Variants in TAF4B observed in about 807,000 individuals in gnomAD.
TAF4B encodes the protein TATA-box binding protein associated factor 4b.
Under a neutral mutation model 86.4 loss-of-function variants are expected in TAF4B, and 38 were observed. The ratio of observed to expected loss-of-function variants is 0.44; its 90% CI spans 0.34 to 0.58. TAF4B has a LOEUF of 0.58. TAF4B is among the 20% of genes least tolerant of loss of function. The probability of loss-of-function intolerance (pLI) is 0.02; values close to 1 mark genes in which losing one functional copy is unlikely to be tolerated. For missense variants in TAF4B, 988 were observed against 1,027.6 expected (o/e 0.96, Z 0.53); for synonymous variants, 388 against 391.2 (o/e 0.99, Z 0.10).
chr18:26,295,387 T>C (rs1440591669), intron 9 of TAF4B: 2 of 191,170 alleles, frequency 1.0e-5, no homozygotes, highest in African/African-American at 2.4e-5. Flanking sequence ...AGGCAATTTT[T>C]CCACAGACCA....
chr18:26,376,214 G>A (rs1242537857), intron 14 of TAF4B, among the ~76,000 whole-genome samples: 1 of 139,744 alleles, frequency 7.2e-6, no homozygotes, highest in East Asian at 2.0e-4. Flanking sequence ...GGATCAGCTT[G>A]TTAATTTCAA....
intron 10 of TAF4B, among the ~76,000 whole-genome samples, chr18:26,316,638 G>T (rs1012736731): frequency 1.3e-5 from 2 of 152,074 alleles, no homozygotes; most frequent in Non-Finnish European, 2.9e-5. Context: ...TGATCCACCC[G>T]CCTCCCAAAG....
In TAF4B at chr18:26,321,119, C is replaced by T. The variant is rs144766716; in HGVS notation, c.2052C>T (p.Ile684=). 2.5e-6 allele frequency: 4 copies of T among 1,613,862 alleles called. No homozygotes were observed. In the African/African-American group the frequency reaches 5.3e-5, roughly 22 times the overall value. ...TELNSDAVNL[I]SQATQERLRG... ...TTAACTCTGATGCTGTGAACTTGAT[C>T]TCCCAAGCAACACAGGAACGACTAC... The change falls in exon 11 of 15, where the codon ATC becomes ATT. Residue 684 remains isoleucine, a synonymous_variant. Transcript: ENST00000269142.
intron 14 of TAF4B, among the ~76,000 whole-genome samples, chr18:26,365,646 C>T (rs1307941637): frequency 1.3e-5 from 2 of 152,174 alleles, no homozygotes; most frequent in African/African-American, 4.8e-5. Flanking sequence ...GATTTGTGGA[C>T]TTAATTATTT....
intron 9 of TAF4B, among the ~76,000 whole-genome samples, chr18:26,308,898 A>AT (rs2056825209): frequency 6.6e-6 from 1 of 151,348 alleles, no homozygotes; most frequent in Admixed American, 6.6e-5. Flanking sequence ...AAAAAAAAAA[A>AT]AGAAATTGAT....
intron 14 of TAF4B, among the ~76,000 whole-genome samples, chr18:26,383,791 TC>T (rs1654653880): frequency 6.6e-6 from 1 of 152,178 alleles, no homozygotes; most frequent in South Asian, 2.1e-4. Context: ...TGCAGTGTTG[TC>T]TGTATTCTGA....
At chr18:26,343,835 T>C (rs1048883633) in intron 13 of TAF4B, among the ~76,000 whole-genome samples, 2 of 152,126 alleles carry the variant, frequency 1.3e-5, no homozygotes, top group African/African-American at 2.4e-5. Flanking sequence ...CAATCCCCCA[T>C]GTATACCAAG....
At chr18:26,362,512 G>A (rs945225188) in intron 14 of TAF4B, among the ~76,000 whole-genome samples, 1 of 151,958 alleles carries the variant, frequency 6.6e-6, no homozygotes, top group Non-Finnish European at 1.5e-5. Context: ...CAGATTTTTA[G>A]GTGTTTTTAT....
Position 26,226,524 on chromosome 18 carries a change from T to G in TAF4B, c.-410T>G. 1 of 156,220 alleles carries G rather than the reference T, an allele frequency of 6.4e-6. No homozygotes were observed. 9.7% of individuals were successfully genotyped at this position (156,220 alleles called of 1,614,324 possible). On this transcript the variant is annotated 5_prime_UTR_variant, in exon 1 of 15. Coordinates refer to ENST00000269142, the MANE Select transcript of TAF4B (RefSeq NM_005640.3). ...CGTAGGGGGCTGTGGGCACTCGGGG[T>G]TCGTAGTTTTGAAATTTCTGGCGGG...
intron 6 of TAF4B, among the ~76,000 whole-genome samples, chr18:26,284,589 T>C (rs2056487696): frequency 1.3e-5 from 2 of 152,148 alleles, no homozygotes. Flanking sequence ...AGTCAGAAAG[T>C]ATGCTTGGCT....
At position 26,274,738 on chromosome 18, in the gene TAF4B, T is replaced by C; in HGVS notation, c.673T>C (p.Ser225Pro). The C allele has an allele frequency of 6.2e-7, 1 of 1,614,188 alleles. No individual in the cohort carries two copies. The highest frequency in any genetic ancestry group is 8.5e-7 in the Non-Finnish European group (1 of 1,180,022). Reference sequence around the variant, plus strand: ...GAATACTGTAACTACCCTGAAGCCTTCAAGTTTGGGAGCATCATCCACTCC... The same window carrying C: ...GAATACTGTAACTACCCTGAAGCCTCCAAGTTTGGGAGCATCATCCACTCC... ...PLNTVTTLKP[S>P]SLGASSTPSN... The change falls in exon 4 of 15, where the codon TCA becomes CCA. Residue 225 changes from serine (S) to proline (P), a missense_variant. Physicochemically the swap from Ser to Pro is moderately conservative, Grantham distance 74 (BLOSUM62 -1). This residue lies in a region of TAF4B where 747 missense variants were observed against 737.9 expected (regional missense o/e 1.01). Transcript: ENST00000269142.
chr18:26,302,264 C>T (rs2056742191), intron 9 of TAF4B, among the ~76,000 whole-genome samples: 2 of 151,298 alleles, frequency 1.3e-5, no homozygotes, highest in African/African-American at 4.9e-5. Flanking sequence ...TTGAATTTGG[C>T]AGTTTCTTTT....
intron 1 of TAF4B, among the ~76,000 whole-genome samples, chr18:26,244,398 G>T (rs1273845648): frequency 4.6e-5 from 7 of 152,256 alleles, no homozygotes; most frequent in Non-Finnish European, 1.0e-4. Flanking sequence ...TAATCTCCTT[G>T]TGTGCTATTT....
At chr18:26,231,189 G>A (rs1313865693) in intron 1 of TAF4B, among the ~76,000 whole-genome samples, 5 of 150,610 alleles carry the variant, frequency 3.3e-5, no homozygotes, top group South Asian at 2.1e-4. Context: ...ACAGGCATGC[G>A]CCACCACCCT....
chr18:26,273,394 G>GATATGTACACATATGTA lies in TAF4B; in HGVS notation c.598-1245_598-1229dup, dbSNP rs1394237933. Among the ~76,000 whole-genome samples, 35 of 152,100 alleles carry GATATGTACACATATGTA rather than the reference G, an allele frequency of 2.3e-4. No individual in the cohort carries two copies. The East Asian group carries it at 2.5e-3, about 11-fold the overall frequency. On this transcript the variant is annotated intron_variant, in intron 3 of 14. Coordinates refer to ENST00000269142, the MANE Select transcript of TAF4B (RefSeq NM_005640.3). Reference sequence around the variant, plus strand: ...TATACATGCAAACAAGACTACATGTGATATGTACACATATGTAATATGTAC... The same window carrying GATATGTACACATATGTA: ...TATACATGCAAACAAGACTACATGTGATATGTACACATATGTAATATGTACACATATGTAATATGTAC...
chr18:26,389,745 A>C, intron 14 of TAF4B, 100 bp from the exon 15 acceptor site: 1 of 1,255,202 alleles, frequency 8.0e-7, no homozygotes. Context: ...TACCTAACCC[A>C]GTGACCAGAG....
intron 14 of TAF4B, among the ~76,000 whole-genome samples, chr18:26,374,684 T>G (rs1598838750): frequency 6.6e-6 from 1 of 152,290 alleles, no homozygotes; most frequent in East Asian, 1.9e-4. Context: ...TTTGTCCCAG[T>G]TAGATGTTCA....
rs2056901486 is a variant in TAF4B, at chr18:26,315,381, A to G, written c.1985A>G (p.Lys662Arg). 1.7e-5 allele frequency: 28 copies of G among 1,612,440 alleles called. No individual in the cohort carries two copies. Among genetic ancestry groups the G allele is most frequent in the Non-Finnish European group, 2.1e-5 (25 of 1,179,626 alleles). ...TTTCTTTTTATTGGAGCTCTACAAA[A>G]GAGAATTTTAGACATTGGTAAGTGT... ...EPFLFIGALQ[K>R]RILDIGKKHD... The change falls in exon 10 of 15, where the codon AAG becomes AGG. Residue 662 changes from lysine to arginine, a missense_variant. Lys to Arg is a conservative substitution (Grantham distance 26). Transcript: ENST00000269142.
rs1568129165 is a variant in TAF4B, at chr18:26,286,475, A to G, written c.1566A>G (p.Pro522=). The change falls in exon 7 of 15, where the codon CCA becomes CCG. Residue 522 remains proline, a synonymous_variant. Coordinates refer to ENST00000269142, the MANE Select transcript of TAF4B (RefSeq NM_005640.3). The part of the protein sequence containing the change: ...GPVLSQPAGI[P]QAVQVKQLVV... ...TCCTTTCACAACCAGCTGGGATTCC[A>G]CAGGCAGTTCAAGTCAAGCAACTAG... 4 of 1,611,808 alleles carry G rather than the reference A, an allele frequency of 2.5e-6. No homozygotes were observed. Among genetic ancestry groups the G allele is most frequent in the Non-Finnish European group, 3.4e-6 (4 of 1,179,368 alleles).
Sources: gnomAD v4.1 joint callset for allele counts (sites outside exome capture counted in the v4.1 genomes callset) on GRCh38, gnomAD v4.1.1 for gene constraint, gnomAD v4.1.1 regional missense constraint, MANE v1.5 for transcripts, NCBI Gene and HGNC (gene_info 2026-07-23, HGNC 2026-07-21) for gene names.